The following DMD variants were observed in gnomAD, a reference collection of about 807,000 sequenced individuals.
DMD encodes dystrophin.
A neutral mutation model predicts 330.1 loss-of-function variants in DMD; 63 were observed. The ratio of observed to expected loss-of-function variants is 0.19; its 90% CI spans 0.16 to 0.24. DMD has a LOEUF of 0.24. Ranked by LOEUF, DMD falls within the 10% of genes least tolerant of loss-of-function variation. The probability of loss-of-function intolerance (pLI) is 1.00; values close to 1 mark genes in which losing one functional copy is unlikely to be tolerated. For synonymous variants in DMD, 1,223 were observed against 959.8 expected, an observed-to-expected ratio of 1.27 and a Z score of -5.07; for missense variants, 3,344 against 2,684.1, an observed-to-expected ratio of 1.25 and a Z score of -5.43.
At chrX:31,780,896 C>T (rs779933952) in intron 50 of DMD, among the ~76,000 whole-genome samples, 10 of 111,335 alleles carry the variant, frequency 9.0e-5, no homozygotes, top group African/African-American at 2.0e-4. Flanking sequence ...TAGGCAAGGC[C>T]GGAGTACTGG....
At chrX:31,981,165 T>C (rs2095473643) in intron 44 of DMD, among the ~76,000 whole-genome samples, 1 of 111,802 alleles carries the variant, frequency 8.9e-6, no homozygotes. Flanking sequence ...ATGATCAATT[T>C]AGACAATCTA....
At chrX:31,256,741 C>CGT (rs35842618) in intron 63 of DMD, among the ~76,000 whole-genome samples, 1,699 of 97,916 alleles carry the variant, frequency 0.017, 16 homozygotes, top group Middle Eastern at 0.04. Flanking sequence ...ATATGTGGGG[C>CGT]GTGTGTGTGT....
At chrX:32,961,527 ATAAT>A (rs1210874804) in intron 2 of DMD, among the ~76,000 whole-genome samples, 1 of 111,940 alleles carries the variant, frequency 8.9e-6, no homozygotes, top group East Asian at 2.8e-4. Context: ...TTTTAATTAA[ATAAT>A]TAATATTCAT....
At position 32,583,826 on chromosome X, in the gene DMD, G is replaced by C. The variant is rs575588137; in HGVS notation, c.1603-9980C>G. 7.2e-4 allele frequency: 81 copies of C among 112,350 alleles called. 1 individual carries two copies. The highest frequency in any genetic ancestry group is 2.2e-3 in the African/African-American group (67 of 30,606). The allele number at this position is 112,350 out of a possible 1,213,427, so 9.3% of individuals were successfully genotyped here. On this transcript the variant is annotated intron_variant, in intron 13 of 78. Coordinates refer to ENST00000357033, the MANE Select transcript of DMD (RefSeq NM_004006.3). ...TCATACCTGTAATAATAGGTGGATT[G>C]TAATACGAAAGGTAAAACAAACAGT...
chrX:32,871,000 A>C (rs2082949659), intron 2 of DMD, among the ~76,000 whole-genome samples: 1 of 100,020 alleles, frequency 1.0e-5, no homozygotes, highest in African/African-American at 3.7e-5. Flanking sequence ...CACAAAACCC[A>C]TCATCAGAAT....
intron 25 of DMD, among the ~76,000 whole-genome samples, chrX:32,461,475 T>C (rs1603634039): frequency 9.0e-6 from 1 of 111,478 alleles, no homozygotes; most frequent in African/African-American, 3.3e-5. Context: ...CTTGGATCTA[T>C]AGCTTTTTTG....
At chrX:32,807,142 A>AAAAAAAAAC (rs2077012412) in intron 7 of DMD, among the ~76,000 whole-genome samples, 1 of 104,353 alleles carries the variant, frequency 9.6e-6, no homozygotes, top group Non-Finnish European at 2.0e-5. Context: ...AAAAAAAAAA[A>AAAAAAAAAC]AAAAAAACAT....
intron 1 of DMD, among the ~76,000 whole-genome samples, chrX:33,224,707 G>C (rs1402324404): frequency 9.0e-6 from 1 of 111,006 alleles, no homozygotes; most frequent in East Asian, 2.8e-4. Flanking sequence ...AACTCTAATG[G>C]AACCTATGGA....
At chrX:32,571,787 C>G (rs759831682) in intron 15 of DMD, among the ~76,000 whole-genome samples, 14 of 111,528 alleles carry the variant, frequency 1.3e-4, no homozygotes, top group Non-Finnish European at 2.1e-4. Context: ...AACCCAGTCA[C>G]CCAAATGAAA....
chrX:32,785,515 A>G (rs924138503), intron 7 of DMD, among the ~76,000 whole-genome samples: 2 of 111,530 alleles, frequency 1.8e-5, no homozygotes, highest in African/African-American at 6.5e-5. Context: ...AGGCTAGGTA[A>G]GGAGTATTAT....
At chrX:31,684,941 T>C (rs760714664) in intron 52 of DMD, among the ~76,000 whole-genome samples, 5 of 112,368 alleles carry the variant, frequency 4.4e-5, no homozygotes, top group African/African-American at 6.5e-5. Context: ...ACTCTTTTGA[T>C]GTAAACAAAG....
At chrX:33,166,449 T>A in intron 1 of DMD, among the ~76,000 whole-genome samples, 1 of 111,547 alleles carries the variant, frequency 9.0e-6, no homozygotes, top group South Asian at 3.7e-4. Flanking sequence ...TACAGCATAA[T>A]TTTCTACATA....
rs747741293 is a variant in DMD, at chrX:31,507,456, A to G, written c.8218-3T>C. 5.8e-6 allele frequency: 7 copies of G among 1,196,804 alleles called. No homozygotes were observed. In the East Asian group the frequency reaches 1.8e-4, roughly 31 times the overall value. On this transcript the variant is annotated splice_polypyrimidine_tract_variant and splice_region_variant and intron_variant, in intron 55 of 78. Transcript: ENST00000357033. ...GCTTCAATTTCACCTTGGAGGTCCT[A>G]CAGGACAGCAGGAAGAAGAATATGT...
chrX:33,333,332 C>T (rs777114063), intron 1 of DMD, among the ~76,000 whole-genome samples: 1 of 111,205 alleles, frequency 9.0e-6, no homozygotes, highest in Non-Finnish European at 1.9e-5. Flanking sequence ...AAAAAGCTCC[C>T]CCACGACAAC....
intron 41 of DMD, among the ~76,000 whole-genome samples, chrX:32,319,524 T>C (rs910795556): frequency 8.9e-6 from 1 of 112,038 alleles, no homozygotes. Context: ...TTAGGAATAT[T>C]CAGAATTCAA....
rs931199381 is a variant in DMD, at chrX:31,359,307, T to G, written c.9085-10673A>C. ...TTAGCTCGTCTAAATAATTTCTGAT[T>G]TAGTTAATTTGAGGCTGAGGCTTGA... On this transcript the variant is annotated intron_variant, in intron 60 of 78. Coordinates refer to ENST00000357033, the MANE Select transcript of DMD (RefSeq NM_004006.3). Among the ~76,000 whole-genome samples, 6 of 112,247 alleles carry G rather than the reference T, an allele frequency of 5.3e-5. No homozygotes were observed. In the Admixed American group the frequency reaches 5.7e-4, roughly 11 times the overall value.
rs1290205829 is a variant in DMD, at chrX:32,303,870, A to G, written c.6117+6212T>C. On this transcript the variant is annotated intron_variant, in intron 42 of 78. Transcript: ENST00000357033. ...ATCCCATCCAGCTACCAGGCACTAC[A>G]TTAATGACATATCGAATTGGGAACT... is the stretch of plus-strand genomic sequence containing the variant. 2.7e-5 allele frequency among the ~76,000 whole-genome samples: 3 copies of G among 110,840 alleles called. No individual in the cohort carries two copies. The East Asian group carries it at 8.5e-4, about 32-fold the overall frequency.
At chrX:32,582,769 G>A (rs777184006) in intron 13 of DMD, among the ~76,000 whole-genome samples, 23 of 111,735 alleles carry the variant, frequency 2.1e-4, no homozygotes, top group Non-Finnish European at 4.0e-4. Flanking sequence ...TTGACTATAG[G>A]CTCCTGACCT....
intron 45 of DMD, among the ~76,000 whole-genome samples, chrX:31,934,120 A>T (rs1288962674): frequency 8.9e-6 from 1 of 111,804 alleles, no homozygotes; most frequent in Admixed American, 9.5e-5. Context: ...AAGGATTATG[A>T]TTAAGTATTA....
Sources: gnomAD v4.1 joint callset for allele counts (sites outside exome capture counted in the v4.1 genomes callset) on GRCh38, gnomAD v4.1.1 for gene constraint, MANE v1.5 for transcripts, NCBI Gene and HGNC (gene_info 2026-07-23, HGNC 2026-07-21) for gene names.